The following CBX6 variants were observed in gnomAD, a reference collection of about 807,000 sequenced individuals.
The protein encoded by CBX6 is chromobox protein homolog 6.
A neutral mutation model predicts 28.4 loss-of-function variants in CBX6; 7 were observed. The observed-to-expected ratio is 0.25, with a 90% CI of 0.14 to 0.46. The LOEUF (loss-of-function observed/expected upper bound fraction) is 0.46. CBX6 is among the 20% of genes least tolerant of loss of function. The pLI is 0.99. For missense variants in CBX6, 512 were observed against 606.1 expected (o/e 0.84, Z 1.63); for synonymous variants, 297 against 273.4 (o/e 1.09, Z -0.85).
In CBX6 at chr22:38,871,271, C is replaced by A; in HGVS notation, c.246+209G>T. The A allele has an allele frequency of 1.5e-6, 1 of 648,620 alleles. No homozygotes were observed. Among genetic ancestry groups the A allele is most frequent in the Admixed American group, 2.5e-5 (1 of 39,282 alleles). 40.2% of individuals were successfully genotyped at this position (648,620 alleles called of 1,614,324 possible). A position where few individuals can be genotyped will look rare whatever the true frequency, so the allele number is the denominator to read the frequency against. ...CAACAGGGAGGATTATCCCCAGTCC[C>A]AAAACCCTCTTGTTGAAGCTGATGC... On this transcript the variant is annotated intron_variant, in intron 4 of 4. Transcript: ENST00000407418. This position sits in a 1 kb window ranked among gnomAD's most constrained non-coding sequence, Gnocchi z 5.6.
In CBX6 at chr22:38,865,735, TG is replaced by T; in HGVS notation, c.*473del. 2 of 164,770 alleles carry T rather than the reference TG, an allele frequency of 1.2e-5. No individual in the cohort carries two copies. Among genetic ancestry groups the T allele is most frequent in the Non-Finnish European group, 2.7e-5 (2 of 75,136 alleles). The allele number at this position is 164,770 out of a possible 1,614,324, so 10.2% of individuals were successfully genotyped here. A position where few individuals can be genotyped will look rare whatever the true frequency, so the allele number is the denominator to read the frequency against. On this transcript the variant is annotated 3_prime_UTR_variant, in exon 5 of 5. Coordinates refer to ENST00000407418, the MANE Select transcript of CBX6 (RefSeq NM_014292.5). Reference sequence around the variant, plus strand: ...GAGGAGCCGAGTCAGGCCTCATCCTTGGCCTCTGCCTGGGACTTTGCCAAAC... The same window carrying T: ...GAGGAGCCGAGTCAGGCCTCATCCTTGCCTCTGCCTGGGACTTTGCCAAAC...
Position 38,866,773 on chromosome 22 carries a change from G to T in CBX6, c.675C>A (p.Arg225=). 4 of 1,611,814 alleles carry T rather than the reference G, an allele frequency of 2.5e-6. No homozygotes were observed. Among genetic ancestry groups the T allele is most frequent in the Non-Finnish European group, 3.4e-6 (4 of 1,179,032 alleles). Residue 225 remains arginine, a synonymous_variant, in exon 5 of 5, where the codon CGC becomes CGA. Transcript: ENST00000407418. The surrounding 1 kb of genome is among the most constrained non-coding windows in gnomAD (Gnocchi z 7.5). ...FSESVLRTQI[R]HMKFGAFALY... ...GCGCAAAGGCGCCGAACTTCATGTGGCGGATCTGTGTACGCAGGACGCTCT... is the reference window on the plus strand; with the variant it reads ...GCGCAAAGGCGCCGAACTTCATGTGTCGGATCTGTGTACGCAGGACGCTCT...
At chr22:38,867,228 G>GGGTGGGGGGGGGGGC in intron 4 of CBX6, 27 bp from the exon 5 acceptor site, 3 of 518,832 alleles carry the variant, frequency 5.8e-6, no homozygotes, top group African/African-American at 2.0e-5. Context: ...GGGTGGGTGG[G>GGGTGGGGGGGGGGGC]ACCTCAGGAC....
rs1016396900 is a variant in CBX6, at chr22:38,863,635, C to G, written c.*2574G>C. 6.6e-6 allele frequency: 1 copy of G among 152,184 alleles called. No individual in the cohort carries two copies. The highest frequency in any genetic ancestry group is 2.4e-5 in the African/African-American group (1 of 41,434). The allele number at this position is 152,184 out of a possible 1,614,324, so 9.4% of individuals were successfully genotyped here. A position where few individuals can be genotyped will look rare whatever the true frequency, so the allele number is the denominator to read the frequency against. On this transcript the variant is annotated 3_prime_UTR_variant, in exon 5 of 5. Coordinates refer to ENST00000407418, the MANE Select transcript of CBX6 (RefSeq NM_014292.5). ...GCCTCTTCATGCACCAAGGCTGGCC[C>G]GGGCTGCTCCACTTGGAGCTCAGGC...
Position 38,872,081 on chromosome 22 carries a change from C to A in CBX6, c.69+41G>T. ...CCCCGAGGGCCCCCGGCCCCGGCCC[C>A]GGCTGCGGACAGCGGCGGCCCGCCC... On this transcript the variant is annotated intron_variant, in intron 1 of 4. Transcript: ENST00000407418. This position sits in a 1 kb window ranked among gnomAD's most constrained non-coding sequence, Gnocchi z 5.0. 7.6e-7 allele frequency: 1 copy of A among 1,317,578 alleles called. No homozygotes were observed. The highest frequency in any genetic ancestry group is 1.9e-5 in the South Asian group (1 of 52,942). The allele number at this position is 1,317,578 out of a possible 1,614,324, so 81.6% of individuals were successfully genotyped here. A position where few individuals can be genotyped will look rare whatever the true frequency, so the allele number is the denominator to read the frequency against.
Position 38,862,666 on chromosome 22 carries a change from G to A in CBX6, c.*3543C>T, listed in dbSNP as rs914351529. 6.6e-6 allele frequency: 1 copy of A among 152,212 alleles called. No individual in the cohort carries two copies. The highest frequency in any genetic ancestry group is 1.5e-5 in the Non-Finnish European group (1 of 68,116). 9.4% of individuals were successfully genotyped at this position (152,212 alleles called of 1,614,324 possible). A position where few individuals can be genotyped will look rare whatever the true frequency, so the allele number is the denominator to read the frequency against. On this transcript the variant is annotated 3_prime_UTR_variant, in exon 5 of 5. Coordinates refer to ENST00000407418, the MANE Select transcript of CBX6 (RefSeq NM_014292.5). ...TCCTCTTGGGTCCCCATAGGCCAGA[G>A]AGGCTGGTAGCAGTCCAGCCCCCTG...
rs1479151131 is a variant in CBX6, at chr22:38,862,635, G to C, written c.*3574C>G. 1 of 152,172 alleles carries C rather than the reference G, an allele frequency of 6.6e-6. No individual in the cohort carries two copies. The highest frequency in any genetic ancestry group is 1.9e-4 in the East Asian group (1 of 5,182). 9.4% of individuals were successfully genotyped at this position (152,172 alleles called of 1,614,324 possible). ...GACACAGAAGAGTGGGCAAAAGGGGGATGTGTCCTCTTGGGTCCCCATAGG... is the reference window on the plus strand; with the variant it reads ...GACACAGAAGAGTGGGCAAAAGGGGCATGTGTCCTCTTGGGTCCCCATAGG... On this transcript the variant is annotated 3_prime_UTR_variant, in exon 5 of 5. Coordinates refer to ENST00000407418, the MANE Select transcript of CBX6 (RefSeq NM_014292.5).
intron 4 of CBX6, 27 bp from the exon 5 acceptor site, chr22:38,867,228 G>GTGGGGGGGGGGGGGGGGGC: frequency 1.9e-6 from 1 of 518,866 alleles, no homozygotes; most frequent in Non-Finnish European, 3.6e-6. Flanking sequence ...GGGTGGGTGG[G>GTGGGGGGGGGGGGGGGGGC]ACCTCAGGAC....
Position 38,867,045 on chromosome 22 carries a change from G to C in CBX6, c.403C>G (p.Pro135Ala), listed in dbSNP as rs200034744. 635 of 1,605,522 alleles carry C rather than the reference G, an allele frequency of 4.0e-4. 5 individuals carry two copies. The African/African-American group carries it at 7.9e-3, about 20-fold the overall frequency. The change falls in exon 5 of 5, where the codon CCC (proline) becomes GCC (alanine). Residue 135 changes from proline (P) to alanine (A), a missense_variant. Around this residue, in one of 7 missense-constraint regions of CBX6, gnomAD observed 123 missense variants for 138.1 expected, o/e 0.89. Transcript: ENST00000407418. Reference sequence around the variant, plus strand: ...CTGCCCCCCTGCGGGTCCGGGCGGGGCAGGGGACGGCGGGACATACGGTGG... The same window carrying C: ...CTGCCCCCCTGCGGGTCCGGGCGGGCCAGGGGACGGCGGGACATACGGTGG... ...RCHRMSRRPL[P>A]RPDPQGGSPG...
chr22:38,872,016 C>T lies in CBX6; in HGVS notation c.70-71G>A, dbSNP rs1477749605. ...GCGGGGACGCGAGGAGGCGGCGGCG[C>T]GGGGCTGGGCGAGGGAGCCGGGCTA... On this transcript the variant is annotated intron_variant, in intron 1 of 4. Transcript: ENST00000407418. This position sits in a 1 kb window ranked among gnomAD's most constrained non-coding sequence, Gnocchi z 5.0. 3.6e-6 allele frequency: 5 copies of T among 1,397,604 alleles called. No individual in the cohort carries two copies. The highest frequency in any genetic ancestry group is 2.7e-5 in the Admixed American group (1 of 37,086). The allele number at this position is 1,397,604 out of a possible 1,614,324, so 86.6% of individuals were successfully genotyped here. A position where few individuals can be genotyped will look rare whatever the true frequency, so the allele number is the denominator to read the frequency against.
At position 38,863,781 on chromosome 22, in the gene CBX6, G is replaced by C. The variant is rs2093163093; in HGVS notation, c.*2428C>G. Reference sequence around the variant, plus strand: ...CTTTCAGGCCAGGGAGGCTCAGAGAGGTTGTGGGCTTTAGGGTGACCCGTG... The same window carrying C: ...CTTTCAGGCCAGGGAGGCTCAGAGACGTTGTGGGCTTTAGGGTGACCCGTG... On this transcript the variant is annotated 3_prime_UTR_variant, in exon 5 of 5. Coordinates refer to ENST00000407418, the MANE Select transcript of CBX6 (RefSeq NM_014292.5). 1 of 152,200 alleles carries C rather than the reference G, an allele frequency of 6.6e-6. No homozygotes were observed. Among genetic ancestry groups the C allele is most frequent in the African/African-American group, 2.4e-5 (1 of 41,434 alleles). The allele number at this position is 152,200 out of a possible 1,614,324, so 9.4% of individuals were successfully genotyped here. A position where few individuals can be genotyped will look rare whatever the true frequency, so the allele number is the denominator to read the frequency against.
In CBX6 at chr22:38,866,887, G is replaced by A. The variant is rs370839110; in HGVS notation, c.561C>T (p.Gly187=). 8.1e-5 allele frequency: 130 copies of A among 1,595,322 alleles called. No homozygotes were observed. The highest frequency in any genetic ancestry group is 3.4e-5 in the South Asian group (3 of 89,216). ...CCCCGGCCCCCTGCCCGGCGCCCCC[G>A]CCGCCAGCGCCCTTGTCGATCACCT... is the stretch of plus-strand genomic sequence containing the variant. ...NLKVIDKGAG[G]GGAGQGAGAL... is the part of the protein sequence containing the mutation. The change falls in exon 5 of 5, where the codon GGC becomes GGT. Residue 187 remains glycine (G), a synonymous_variant. Transcript: ENST00000407418. This position sits in a 1 kb window ranked among gnomAD's most constrained non-coding sequence, Gnocchi z 7.5.
chr22:38,866,706 C>T lies in CBX6; in HGVS notation c.742G>A (p.Gly248Ser), dbSNP rs554706681. 14 of 761,316 alleles carry T rather than the reference C, an allele frequency of 1.8e-5. No individual in the cohort carries two copies. The African/African-American group carries it at 3.9e-4, about 21-fold the overall frequency. 47.2% of individuals were successfully genotyped at this position (761,316 alleles called of 1,614,324 possible). The change falls in exon 5 of 5, where the codon GGC becomes AGC. Residue 248 changes from glycine to serine, a missense_variant. Physicochemically the swap from Gly to Ser is moderately conservative, Grantham distance 56 (BLOSUM62 0). Coordinates refer to ENST00000407418, the MANE Select transcript of CBX6 (RefSeq NM_014292.5). This position sits in a 1 kb window ranked among gnomAD's most constrained non-coding sequence, Gnocchi z 7.5. Reference sequence around the variant, plus strand: ...CCCGGGGCTGAGGCCTCAGCCTTGCCGGGGGACGGGGCTACCAGGGGGGCG... The same window carrying T: ...CCCGGGGCTGAGGCCTCAGCCTTGCTGGGGGACGGGGCTACCAGGGGGGCG... ...PPAPLVAPSPGKAEASAPGPG... is the reference protein window; with the variant it reads ...PPAPLVAPSPSKAEASAPGPG...
At position 38,867,027 on chromosome 22, in the gene CBX6, C is replaced by T. The variant is rs201162501; in HGVS notation, c.421G>A (p.Gly141Arg). 2 of 1,605,264 alleles carry T rather than the reference C, an allele frequency of 1.2e-6. No individual in the cohort carries two copies. Among genetic ancestry groups the T allele is most frequent in the South Asian group, 1.1e-5 (1 of 90,516 alleles). Residue 141 changes from glycine (G) to arginine (R), a missense_variant, in exon 5 of 5, where the codon GGG (glycine) becomes AGG (arginine). This residue lies in a region of CBX6 where 123 missense variants were observed against 138.1 expected (regional missense o/e 0.89). Transcript: ENST00000407418. Reference sequence around the variant, plus strand: ...GGCGGGCGCAGTCCGGGGCTGCCCCCCTGCGGGTCCGGGCGGGGCAGGGGA... The same window carrying T: ...GGCGGGCGCAGTCCGGGGCTGCCCCTCTGCGGGTCCGGGCGGGGCAGGGGA... ...RRPLPRPDPQ[G>R]GSPGLRPPIS...
In CBX6 at chr22:38,866,800, G is replaced by A. The variant is rs574785550; in HGVS notation, c.648C>T (p.Ser216=). Reference sequence around the variant, plus strand: ...GGATCTGTGTACGCAGGACGCTCTCGCTGAACTTCTTGCTCTTGCCTATAA... The same window carrying A: ...GGATCTGTGTACGCAGGACGCTCTCACTGAACTTCTTGCTCTTGCCTATAA... The part of the protein sequence containing the change: ...NRVIGKSKKF[S]ESVLRTQIRH... The change falls in exon 5 of 5, where the codon AGC becomes AGT. Residue 216 remains serine, a synonymous_variant. Coordinates refer to ENST00000407418, the MANE Select transcript of CBX6 (RefSeq NM_014292.5). This position sits in a 1 kb window ranked among gnomAD's most constrained non-coding sequence, Gnocchi z 7.5. 3.7e-6 allele frequency: 6 copies of A among 1,612,622 alleles called. No homozygotes were observed. In the East Asian group the frequency reaches 1.1e-4, roughly 30 times the overall value.
chr22:38,867,228 G>GGGGGGCCTGGGGGGGGGGGGGGGGGC, intron 4 of CBX6, 27 bp from the exon 5 acceptor site: 1 of 518,864 alleles, frequency 1.9e-6, no homozygotes, highest in Non-Finnish European at 3.6e-6. Context: ...GGGTGGGTGG[G>GGGGGGCCTGGGGGGGGGGGGGGGGGC]ACCTCAGGAC....
chr22:38,868,537 G>C (rs1480599523), intron 4 of CBX6, among the ~76,000 whole-genome samples: 1 of 152,234 alleles, frequency 6.6e-6, no homozygotes, highest in Non-Finnish European at 1.5e-5. Context: ...GATCCCAGTG[G>C]TGTGAGAAGA....
Position 38,863,678 on chromosome 22 carries a change from C to T in CBX6, c.*2531G>A, listed in dbSNP as rs1206975865. On this transcript the variant is annotated 3_prime_UTR_variant, in exon 5 of 5. Transcript: ENST00000407418. ...GCTCAGGCCAGCAGAAGCAGACCACCTGTGGCAAGGGAAATGCATTCCCTC... is the reference window on the plus strand; with the variant it reads ...GCTCAGGCCAGCAGAAGCAGACCACTTGTGGCAAGGGAAATGCATTCCCTC... 1 of 152,286 alleles carries T rather than the reference C, an allele frequency of 6.6e-6. No homozygotes were observed. The highest frequency in any genetic ancestry group is 1.5e-5 in the Non-Finnish European group (1 of 68,084). The allele number at this position is 152,286 out of a possible 1,614,324, so 9.4% of individuals were successfully genotyped here.
rs1025276124 is a variant in CBX6 at position 38,871,604 on chromosome 22, C to A, written c.180-58G>T. The A allele has an allele frequency of 2.5e-6, 4 of 1,611,552 alleles. No homozygotes were observed. Among genetic ancestry groups the A allele is most frequent in the Non-Finnish European group, 3.4e-6 (4 of 1,178,198 alleles). ...GCCCCTTCCCGGGCCCCACTCCGCG[C>A]TGCCCTCCCCGGCTCTCCCGCTTCC... On this transcript the variant is annotated intron_variant, in intron 3 of 4. Coordinates refer to ENST00000407418, the MANE Select transcript of CBX6 (RefSeq NM_014292.5). This position sits in a 1 kb window ranked among gnomAD's most constrained non-coding sequence, Gnocchi z 5.6.
Sources: gnomAD v4.1 joint callset for allele counts (sites outside exome capture counted in the v4.1 genomes callset) on GRCh38, gnomAD v4.1.1 for gene constraint, gnomAD v4.1.1 regional missense constraint, Gnocchi (gnomAD v3.1) non-coding constraint, MANE v1.5 for transcripts, NCBI Gene and HGNC (gene_info 2026-07-23, HGNC 2026-07-21) for gene names.